XKR4: variants seen among roughly 807,000 people sequenced by gnomAD.
The protein encoded by XKR4 is XK-related protein 4.
A neutral mutation model predicts 53.9 loss-of-function variants in XKR4; 12 were observed. That is an observed-to-expected ratio of 0.22 (90% confidence interval 0.14 to 0.36). The LOEUF is 0.36. Ranked by LOEUF, XKR4 falls within the 10% of genes least tolerant of loss-of-function variation. The probability of loss-of-function intolerance (pLI) is 1.00; values close to 1 mark genes in which losing one functional copy is unlikely to be tolerated. For missense variants in XKR4, 799 were observed against 859.5 expected (o/e 0.93, Z 0.88); for synonymous variants, 354 against 362.4 (o/e 0.98, Z 0.26).
At chr8:55,328,470 T>C (rs1803327799) in intron 1 of XKR4, among the ~76,000 whole-genome samples, 1 of 152,176 alleles carries the variant, frequency 6.6e-6, no homozygotes, top group African/African-American at 2.4e-5. Context: ...TCCTGTCCTT[T>C]GGAAAGTGTG....
At chr8:55,516,722 CA>C (rs1306944340) in intron 2 of XKR4, among the ~76,000 whole-genome samples, 2 of 152,124 alleles carry the variant, frequency 1.3e-5, no homozygotes, top group African/African-American at 4.8e-5. Context: ...GGAGATTTCT[CA>C]AAGAACTAAA....
intron 2 of XKR4, among the ~76,000 whole-genome samples, chr8:55,469,859 G>A (rs1805845482): frequency 6.6e-6 from 1 of 152,062 alleles, no homozygotes. Context: ...ACAGGACCTG[G>A]TCAATCATTC....
chr8:55,406,078 C>CA (rs1286742871), intron 2 of XKR4, among the ~76,000 whole-genome samples: 2 of 152,226 alleles, frequency 1.3e-5, no homozygotes, highest in African/African-American at 4.8e-5. Context: ...TGTTCCTCCT[C>CA]AGCCTCTGAG....
chr8:55,311,369 T>A (rs566738927), intron 1 of XKR4, among the ~76,000 whole-genome samples: 1 of 152,026 alleles, frequency 6.6e-6, no homozygotes, highest in African/African-American at 2.4e-5. Flanking sequence ...CAGGAGCAAA[T>A]GAAGACAGAG....
At chr8:55,118,716 G>A (rs1041481569) in intron 1 of XKR4, among the ~76,000 whole-genome samples, 11 of 152,192 alleles carry the variant, frequency 7.2e-5, no homozygotes, top group African/African-American at 2.7e-4. Flanking sequence ...CGTTGAAAGG[G>A]CTCACCAACT....
intron 2 of XKR4, among the ~76,000 whole-genome samples, chr8:55,366,696 C>T (rs920534363): frequency 6.6e-6 from 1 of 152,226 alleles, no homozygotes; most frequent in Non-Finnish European, 1.5e-5. Context: ...TTTTCTCACC[C>T]ATATGTCCTG....
rs947850864 is a variant in XKR4 at position 55,350,385 on chromosome 8, T to A, written c.807-7293T>A. 2.7e-4 allele frequency among the ~76,000 whole-genome samples: 41 copies of A among 152,198 alleles called. 2 individuals carry two copies. The highest frequency in any genetic ancestry group is 5.9e-5 in the Non-Finnish European group (4 of 68,024). ...GAATATTTTCCTGTGTCATTCTTTG[T>A]AAGCTGGACCCATCAAGGAGTTGCT... On this transcript the variant is annotated intron_variant, in intron 1 of 2. Coordinates refer to ENST00000327381, the MANE Select transcript of XKR4 (RefSeq NM_052898.2).
Position 55,524,077 on chromosome 8 carries a change from G to A in XKR4, c.1803G>A (p.Arg601=), listed in dbSNP as rs754125494. Residue 601 remains arginine (R), a synonymous_variant, in exon 3 of 3, where the codon AGG becomes AGA. Transcript: ENST00000327381. ...EESVIKIDLF[R]NRYPAWERHV... ...CAGTCATTAAAATTGACTTGTTCAG[G>A]AATAGGTACCCAGCATGGGAGAGAC... 2.5e-6 allele frequency: 4 copies of A among 1,614,252 alleles called. No homozygotes were observed. The highest frequency in any genetic ancestry group is 1.7e-5 in the Admixed American group (1 of 60,028).
At chr8:55,333,194 A>C (rs554182521) in intron 1 of XKR4, among the ~76,000 whole-genome samples, 3 of 151,876 alleles carry the variant, frequency 2.0e-5, no homozygotes, top group Non-Finnish European at 2.9e-5. Context: ...TAGTTATTTT[A>C]AAGTCTTGTT....
chr8:55,373,334 T>C (rs1324272972), intron 2 of XKR4, among the ~76,000 whole-genome samples: 2 of 152,130 alleles, frequency 1.3e-5, no homozygotes, highest in African/African-American at 2.4e-5. Flanking sequence ...ACCCAGCTAA[T>C]GTTTGTATTT....
intron 2 of XKR4, among the ~76,000 whole-genome samples, chr8:55,484,566 A>C (rs1485759455): frequency 6.6e-6 from 1 of 152,198 alleles, no homozygotes; most frequent in Non-Finnish European, 1.5e-5. Flanking sequence ...CAAAGAAGAA[A>C]AATTACATGA....
At chr8:55,388,116 A>G (rs192816073) in intron 2 of XKR4, among the ~76,000 whole-genome samples, 4 of 152,302 alleles carry the variant, frequency 2.6e-5, no homozygotes, top group East Asian at 3.9e-4. Flanking sequence ...TAACTCTGCC[A>G]TTTAGGAAGT....
At chr8:55,462,905 A>G in intron 2 of XKR4, among the ~76,000 whole-genome samples, 1 of 152,252 alleles carries the variant, frequency 6.6e-6, no homozygotes, top group Non-Finnish European at 1.5e-5. Flanking sequence ...TAAAGGGATC[A>G]ATTCAAAAAG....
chr8:55,403,322 T>G (rs1804635575), intron 2 of XKR4, among the ~76,000 whole-genome samples: 1 of 152,232 alleles, frequency 6.6e-6, no homozygotes, highest in African/African-American at 2.4e-5. Flanking sequence ...ACTTGGGCTT[T>G]TAAATAGTTT....
chr8:55,136,849 A>G (rs550195127), intron 1 of XKR4, among the ~76,000 whole-genome samples: 1 of 152,372 alleles, frequency 6.6e-6, no homozygotes, highest in Admixed American at 6.5e-5. Flanking sequence ...GGCTTCCCAC[A>G]TGTATTACAG....
chr8:55,105,323 TATC>T (rs552177593), intron 1 of XKR4, among the ~76,000 whole-genome samples: 294 of 141,638 alleles, frequency 2.1e-3, no homozygotes, highest in African/African-American at 7.6e-3. Context: ...TGGGCCAACT[TATC>T]ATACAGAAAA....
At chr8:55,444,709 C>T (rs1344731570) in intron 2 of XKR4, among the ~76,000 whole-genome samples, 3 of 152,158 alleles carry the variant, frequency 2.0e-5, no homozygotes, top group Non-Finnish European at 1.5e-5. Flanking sequence ...GGGACTCTTG[C>T]GTACTGCTAA....
At chr8:55,431,486 A>G (rs1805103662) in intron 2 of XKR4, among the ~76,000 whole-genome samples, 1 of 151,884 alleles carries the variant, frequency 6.6e-6, no homozygotes, top group South Asian at 2.1e-4. Flanking sequence ...CAGTTTTTCC[A>G]AAAAAAAGAG....
intron 1 of XKR4, among the ~76,000 whole-genome samples, chr8:55,127,173 C>T (rs188750393): frequency 4.9e-4 from 74 of 152,238 alleles, no homozygotes; most frequent in Non-Finnish European, 9.4e-4. Context: ...TAAAATGCCC[C>T]CCAAAAGAAG....
Sources: gnomAD v4.1 joint callset for allele counts (sites outside exome capture counted in the v4.1 genomes callset) on GRCh38, gnomAD v4.1.1 for gene constraint, MANE v1.5 for transcripts, NCBI Gene and HGNC (gene_info 2026-07-23, HGNC 2026-07-21) for gene names.